The following CCDC171 variants were observed in gnomAD, a reference collection of about 807,000 sequenced individuals.
The protein encoded by CCDC171 is coiled-coil domain containing 171.
Under a neutral mutation model 168.2 loss-of-function variants are expected in CCDC171, and 177 were observed. That is an observed-to-expected ratio of 1.05 (90% CI 0.93 to 1.19). CCDC171 has a LOEUF of 1.19. Among genes scored for constraint, CCDC171 ranks in the 50% most tolerant of loss-of-function variants. CCDC171 has a pLI of 0.00. For synonymous variants in CCDC171, 687 were observed against 540.8 expected (o/e 1.27, Z -3.75); for missense variants, 1,991 against 1,539.0 (o/e 1.29, Z -4.91).
At chr9:15,916,751 A>G (rs1226826539) in intron 24 of CCDC171, among the ~76,000 whole-genome samples, 1 of 152,048 alleles carries the variant, frequency 6.6e-6, no homozygotes, top group East Asian at 1.9e-4. Context: ...AAATGGATAG[A>G]TGTGGAATTT....
intron 6 of CCDC171, among the ~76,000 whole-genome samples, chr9:15,617,784 G>A (rs1198727682): frequency 2.6e-5 from 4 of 152,154 alleles, no homozygotes. Context: ...CTGGACTTCT[G>A]CAGGTCTGCT....
chr9:15,656,701 A>G (rs954296050), intron 7 of CCDC171, among the ~76,000 whole-genome samples: 1 of 152,166 alleles, frequency 6.6e-6, no homozygotes, highest in Non-Finnish European at 1.5e-5. Context: ...TGTAGTGACA[A>G]AAAGCAGATT....
rs769377316 is a variant in CCDC171, at chr9:15,623,469, G to GCGCGCGCGCGCGCA, written c.822+63_822+64insGCGCGCACGCGCGC. On this transcript the variant is annotated intron_variant, in intron 7 of 25. Transcript: ENST00000380701. ...TGCGTACAAACTTTCACATATGCGC[G>GCGCGCGCGCGCGCA]CGCGCGCACACACACACACACACAC... 9 of 529,880 alleles carry GCGCGCGCGCGCGCA rather than the reference G, an allele frequency of 1.7e-5. 1 individual carries two copies. Among genetic ancestry groups the GCGCGCGCGCGCGCA allele is most frequent in the South Asian group, 1.3e-4 (6 of 46,718 alleles). The allele number at this position is 529,880 out of a possible 1,614,324, so 32.8% of individuals were successfully genotyped here. A position where few individuals can be genotyped will look rare whatever the true frequency, so the allele number is the denominator to read the frequency against.
chr9:15,635,878 C>T (rs2046165046), intron 7 of CCDC171, among the ~76,000 whole-genome samples: 2 of 152,108 alleles, frequency 1.3e-5, no homozygotes, highest in South Asian at 4.1e-4. Flanking sequence ...TTGTTTTGTA[C>T]AGTGGCAGCA....
At chr9:16,041,561 T>TTTC (rs1249177173), upstream of CCDC171, among the ~76,000 whole-genome samples, 1 of 152,220 alleles carries the variant, frequency 6.6e-6, no homozygotes, top group Non-Finnish European at 1.5e-5. Context: ...AGGTTCAGGA[T>TTTC]TTCCAATAAT....
the CCDC171 span, among the ~76,000 whole-genome samples, chr9:16,077,075 T>A: frequency 6.6e-6 from 1 of 152,198 alleles, no homozygotes; most frequent in East Asian, 1.9e-4. Context: ...AAGCAAATAG[T>A]GCTGGGTTAC....
chr9:15,673,086 T>G (rs200615595), intron 9 of CCDC171, among the ~76,000 whole-genome samples: 102 of 152,166 alleles, frequency 6.7e-4, no homozygotes, highest in Non-Finnish European at 1.3e-3. Context: ...TTGTAAGTTG[T>G]ATTCCTAGGT....
chr9:16,100,165 G>T, the CCDC171 span, among the ~76,000 whole-genome samples: 1 of 152,134 alleles, frequency 6.6e-6, no homozygotes, highest in African/African-American at 2.4e-5. Flanking sequence ...ACTCTAATCT[G>T]TGTGCAGCCA....
At position 15,784,651 on chromosome 9, in the gene CCDC171, G is replaced by T; in HGVS notation, c.3224G>T (p.Ser1075Ile). The change falls in exon 21 of 26, where the codon AGT becomes ATT. Residue 1075 changes from serine (S) to isoleucine (I), a missense_variant. Physicochemically the swap from Ser to Ile is moderately radical, Grantham distance 142. Coordinates refer to ENST00000380701, the MANE Select transcript of CCDC171 (RefSeq NM_173550.4). ...AATTATAAACTTGAATTGCACTCCAGTGAGGAAGCTGACAAAAACCAAACT... is the reference window on the plus strand; with the variant it reads ...AATTATAAACTTGAATTGCACTCCATTGAGGAAGCTGACAAAAACCAAACT... ...ELNYKLELHS[S>I]EEADKNQTLG... 9 of 1,613,316 alleles carry T rather than the reference G, an allele frequency of 5.6e-6. No homozygotes were observed. Among genetic ancestry groups the T allele is most frequent in the Non-Finnish European group, 7.6e-6 (9 of 1,179,592 alleles).
chr9:15,559,116 G>T (rs1007037430), intron 1 of CCDC171, among the ~76,000 whole-genome samples: 3 of 152,086 alleles, frequency 2.0e-5, no homozygotes, highest in African/African-American at 4.8e-5. Flanking sequence ...TATAATTTCT[G>T]TTCTTTTACA....
At chr9:15,961,604 C>T (rs192779962) in intron 25 of CCDC171, among the ~76,000 whole-genome samples, 3 of 152,114 alleles carry the variant, frequency 2.0e-5, no homozygotes, top group Non-Finnish European at 2.9e-5. Context: ...TGATCAAAAT[C>T]TTTTCCAAAC....
At chr9:15,985,967 G>A (rs1183232477) in intron 3 of CCDC171, among the ~76,000 whole-genome samples, 3 of 152,128 alleles carry the variant, frequency 2.0e-5, no homozygotes, top group African/African-American at 7.2e-5. Context: ...TCCCATTATT[G>A]GCTAGTCATA....
intron 16 of CCDC171, among the ~76,000 whole-genome samples, chr9:15,731,688 T>A (rs1400455258): frequency 6.6e-6 from 1 of 152,080 alleles, no homozygotes; most frequent in African/African-American, 2.4e-5. Flanking sequence ...TTTGTCAACA[T>A]ATGGTTTTAT....
rs1310330705 is a variant in CCDC171 at position 15,623,473 on chromosome 9, G to GCACACACACACACA, written c.822+61_822+62insACACACACACACAC. ...TACAAACTTTCACATATGCGCGCGCGCGCACACACACACACACACACACAC... is the reference window on the plus strand; with the variant it reads ...TACAAACTTTCACATATGCGCGCGCGCACACACACACACACGCACACACACACACACACACACAC... On this transcript the variant is annotated intron_variant, in intron 7 of 25. Transcript: ENST00000380701. 2.0e-3 allele frequency: 941 copies of GCACACACACACACA among 464,200 alleles called. 1 individual carries two copies. Among genetic ancestry groups the GCACACACACACACA allele is most frequent in the African/African-American group, 4.6e-3 (128 of 27,880 alleles). The allele number at this position is 464,200 out of a possible 1,614,324, so 28.8% of individuals were successfully genotyped here.
At chr9:16,011,952 C>G (rs1358070511) in intron 3 of CCDC171, among the ~76,000 whole-genome samples, 1 of 152,196 alleles carries the variant, frequency 6.6e-6, no homozygotes, top group African/African-American at 2.4e-5. Context: ...GACTCAGAGT[C>G]TTGTCCCCAG....
Position 15,652,368 on chromosome 9 carries a change from A to T in CCDC171, c.823-4759A>T, listed in dbSNP as rs1054555041. 1.3e-4 allele frequency among the ~76,000 whole-genome samples: 19 copies of T among 151,858 alleles called. 1 individual carries two copies. Among genetic ancestry groups the T allele is most frequent in the African/African-American group, 4.6e-4 (19 of 41,346 alleles). ...CACCCATTCATGAGTTTATTTCTGG[A>T]CTGTCAGTTCCTTTCTGTGGATCTA... On this transcript the variant is annotated intron_variant, in intron 7 of 25. Transcript: ENST00000380701.
chr9:16,053,062 C>T (rs1833777828), intron 1 of CCDC171, among the ~76,000 whole-genome samples: 1 of 152,224 alleles, frequency 6.6e-6, no homozygotes, highest in Admixed American at 6.5e-5. Flanking sequence ...TTCCATGTCT[C>T]ATATCCACAG....
intron 7 of CCDC171, among the ~76,000 whole-genome samples, chr9:15,641,827 G>A (rs549406053): frequency 1.2e-4 from 19 of 152,296 alleles, no homozygotes; most frequent in African/African-American, 4.6e-4. Flanking sequence ...ATGGCAGTCA[G>A]CTTATAAATG....
chr9:15,884,818 T>C (rs1819173868), intron 24 of CCDC171, among the ~76,000 whole-genome samples: 1 of 152,156 alleles, frequency 6.6e-6, no homozygotes, highest in Admixed American at 6.5e-5. Flanking sequence ...AAAAATGCTA[T>C]ATTAGTAAAA....
Sources: allele counts gnomAD v4.1 joint callset (sites outside exome capture counted in the v4.1 genomes callset), GRCh38; gene constraint gnomAD v4.1.1; transcripts MANE v1.5; gene names NCBI Gene and HGNC (gene_info 2026-07-23, HGNC 2026-07-21).